The following FAAH2 variants were observed in gnomAD, a reference collection of about 807,000 sequenced individuals.
FAAH2 encodes fatty acid amide hydrolase 2.
Under a neutral mutation model 36.9 loss-of-function variants are expected in FAAH2, and 60 were observed. The observed-to-expected ratio is 1.63, with a 90% CI of 1.32 to 2.02. FAAH2 has a LOEUF of 2.02. Ranked by LOEUF, FAAH2 falls within the 30% of genes most tolerant of loss-of-function variation. FAAH2 has a pLI of 0.00. For missense variants in FAAH2, 689 were observed against 397.5 expected, an observed-to-expected ratio of 1.73 and a Z score of -6.23; for synonymous variants, 214 against 143.8, an observed-to-expected ratio of 1.49 and a Z score of -3.49.
chrX:57,324,026 A>G (rs2053127583), intron 3 of FAAH2, among the ~76,000 whole-genome samples: 1 of 111,934 alleles, frequency 8.9e-6, no homozygotes, highest in Admixed American at 9.5e-5. Flanking sequence ...TATAAGGTGT[A>G]AGGAAGGGAT....
intron 7 of FAAH2, among the ~76,000 whole-genome samples, chrX:57,412,812 A>G (rs888963538): frequency 4.5e-5 from 5 of 111,701 alleles, no homozygotes; most frequent in Admixed American, 9.5e-5. Flanking sequence ...GTCTTCCACA[A>G]TGGTTGAACT....
chrX:57,435,301 C>G (rs1015976801), intron 8 of FAAH2, among the ~76,000 whole-genome samples: 4 of 110,961 alleles, frequency 3.6e-5, no homozygotes, highest in African/African-American at 1.3e-4. Flanking sequence ...ATGTATAAAA[C>G]AACTGAAAAG....
Position 57,446,817 on chromosome X carries a change from G to A in FAAH2, c.1117-111G>A, listed in dbSNP as rs1308244271. ...TTATTTATGTATTCATCAATTGACTGGTATTTTACTGTTATGAATGATTAT... is the reference window on the plus strand; with the variant it reads ...TTATTTATGTATTCATCAATTGACTAGTATTTTACTGTTATGAATGATTAT... On this transcript the variant is annotated intron_variant, in intron 8 of 10. Coordinates refer to ENST00000374900, the MANE Select transcript of FAAH2 (RefSeq NM_174912.4). 9.0e-6 allele frequency: 4 copies of A among 444,109 alleles called. No homozygotes were observed. In the African/African-American group the frequency reaches 1.0e-4, roughly 11 times the overall value. The allele number at this position is 444,109 out of a possible 1,213,427, so 36.6% of individuals were successfully genotyped here.
At chrX:57,358,393 C>G (rs1073968) in intron 5 of FAAH2, among the ~76,000 whole-genome samples, 39,747 of 109,828 alleles carry the variant, frequency 0.36, 6,215 homozygotes, top group Middle Eastern at 0.6. Context: ...TCATTTCACT[C>G]TCTGCCTCTA....
Position 57,448,637 on chromosome X carries a change from G to C in FAAH2, c.1342G>C (p.Val448Leu). Residue 448 changes from valine to leucine, a missense_variant, in exon 10 of 11, where the codon GTG becomes CTG. Physicochemically the swap from Val to Leu is conservative, Grantham distance 32. Coordinates refer to ENST00000374900, the MANE Select transcript of FAAH2 (RefSeq NM_174912.4). Reference sequence around the variant, plus strand: ...GGTGGATATGCTAGGTGATGATGGTGTGTTCTTATATCCCTCACATCCCAC... The same window carrying C: ...GGTGGATATGCTAGGTGATGATGGTCTGTTCTTATATCCCTCACATCCCAC... ...ELVDMLGDDGVFLYPSHPTVA... is the reference protein window; with the variant it reads ...ELVDMLGDDGLFLYPSHPTVA... The C allele has an allele frequency of 1.7e-6, 2 of 1,211,498 alleles. No homozygotes were observed. Among genetic ancestry groups the C allele is most frequent in the East Asian group, 5.9e-5 (2 of 33,808 alleles).
At chrX:57,312,439 G>A (rs1287706973) in intron 3 of FAAH2, among the ~76,000 whole-genome samples, 2 of 111,337 alleles carry the variant, frequency 1.8e-5, no homozygotes, top group African/African-American at 3.3e-5. Flanking sequence ...TTGGGAGGCC[G>A]AGGCAGGTGG....
In FAAH2 at chrX:57,479,288, TTGTC is replaced by T. The variant is rs1175764193; in HGVS notation, c.1424-9465_1424-9462del. 2.7e-5 allele frequency among the ~76,000 whole-genome samples: 3 copies of T among 111,820 alleles called. No homozygotes were observed. In the East Asian group the frequency reaches 8.4e-4, roughly 31 times the overall value. On this transcript the variant is annotated intron_variant, in intron 10 of 10. Transcript: ENST00000374900. ...GTTCACTCATGATTTGGCTCTCTGT[TTGTC>T]TGTTATTGGTATATAAGAATGCTTG...
the FAAH2 span, among the ~76,000 whole-genome samples, chrX:57,158,332 A>G: frequency 8.9e-6 from 1 of 112,294 alleles, no homozygotes; most frequent in South Asian, 3.7e-4. Flanking sequence ...TCTTTATAGA[A>G]GCATGATTTA....
At chrX:57,408,617 G>A (rs780641047) in intron 7 of FAAH2, among the ~76,000 whole-genome samples, 3 of 109,806 alleles carry the variant, frequency 2.7e-5, no homozygotes, top group African/African-American at 9.9e-5. Flanking sequence ...AATAGAAATA[G>A]CCAAAGTGAA....
At chrX:57,418,413 G>T (rs772183045) in intron 7 of FAAH2, among the ~76,000 whole-genome samples, 9 of 111,370 alleles carry the variant, frequency 8.1e-5, no homozygotes, top group Admixed American at 2.9e-4. Flanking sequence ...TGGGAAAAGC[G>T]TGTTATCTGG....
chrX:57,366,500 A>C (rs1210746691), intron 5 of FAAH2, among the ~76,000 whole-genome samples: 1 of 112,474 alleles, frequency 8.9e-6, no homozygotes, highest in Non-Finnish European at 1.9e-5. Flanking sequence ...GCTTGTGGTC[A>C]TCCCCCACAT....
the FAAH2 span, among the ~76,000 whole-genome samples, chrX:57,131,458 A>G: frequency 8.9e-6 from 1 of 112,116 alleles, no homozygotes; most frequent in Non-Finnish European, 1.9e-5. Context: ...TGGCCGTACC[A>G]GAGATGTCCA....
chrX:57,457,980 A>T (rs1000325763), intron 10 of FAAH2, among the ~76,000 whole-genome samples: 1 of 112,181 alleles, frequency 8.9e-6, no homozygotes, highest in Non-Finnish European at 1.9e-5. Context: ...AAAGAACCTC[A>T]ACAGCTAAAG....
the FAAH2 span, among the ~76,000 whole-genome samples, chrX:57,205,388 C>T: frequency 1.8e-5 from 2 of 112,238 alleles, no homozygotes. Flanking sequence ...GGTGTATGAG[C>T]CCTAATATGA....
intron 10 of FAAH2, among the ~76,000 whole-genome samples, chrX:57,474,396 C>T (rs193069391): frequency 6.9e-4 from 76 of 110,237 alleles, no homozygotes; most frequent in African/African-American, 2.4e-3. Context: ...GTGTGATTTT[C>T]CCCTCCCTGT....
At chrX:57,463,084 A>C (rs890788676) in intron 10 of FAAH2, among the ~76,000 whole-genome samples, 1 of 111,695 alleles carries the variant, frequency 9.0e-6, no homozygotes, top group South Asian at 3.7e-4. Context: ...TTAAAAACCC[A>C]GGAATACAAC....
At chrX:57,474,237 A>T (rs1175993009) in intron 10 of FAAH2, among the ~76,000 whole-genome samples, 4 of 111,575 alleles carry the variant, frequency 3.6e-5, no homozygotes, top group Non-Finnish European at 7.5e-5. Flanking sequence ...ACACGTGTAG[A>T]ATATGCATCT....
intron 2 of FAAH2, among the ~76,000 whole-genome samples, chrX:57,305,304 A>G (rs140333069): frequency 2.7e-5 from 3 of 111,383 alleles, no homozygotes; most frequent in Admixed American, 9.6e-5. Context: ...TCATGAAATG[A>G]AAATTTCAGT....
intron 5 of FAAH2, among the ~76,000 whole-genome samples, chrX:57,364,404 A>G (rs1408330934): frequency 2.0e-5 from 2 of 98,322 alleles, no homozygotes; most frequent in Non-Finnish European, 4.0e-5. Context: ...ATGCAACATA[A>G]TCTTCATCAC....
Sources: gnomAD v4.1 joint callset for allele counts (sites outside exome capture counted in the v4.1 genomes callset) on GRCh38, gnomAD v4.1.1 for gene constraint, MANE v1.5 for transcripts, NCBI Gene and HGNC (gene_info 2026-07-23, HGNC 2026-07-21) for gene names.